The following PTPRF variants were observed in gnomAD, a reference collection of about 807,000 sequenced individuals.
The protein encoded by PTPRF is protein tyrosine phosphatase receptor type F.
In PTPRF, 59 loss-of-function variants were observed where a neutral mutation model predicts 201.8. The ratio of observed to expected loss-of-function variants is 0.29; its 90% CI spans 0.24 to 0.36. The LOEUF (loss-of-function observed/expected upper bound fraction) is 0.36, where lower values mean the gene tolerates loss of function less well. Among genes scored for constraint, PTPRF ranks in the 10% least tolerant of loss-of-function variants. The pLI is 1.00. For missense variants in PTPRF, 2,132 were observed against 2,690.5 expected, an observed-to-expected ratio of 0.79 and a Z score of 4.59; for synonymous variants, 1,088 against 1,089.7, an observed-to-expected ratio of 1.00 and a Z score of 0.03.
In PTPRF at chr1:43,537,981, C is replaced by G. The variant is rs2153955709; in HGVS notation, c.-125-217C>G. On this transcript the variant is annotated intron_variant, in intron 1 of 33. Transcript: ENST00000359947. This position sits in a 1 kb window ranked among gnomAD's most constrained non-coding sequence, Gnocchi z 4.8. ...GGCTGGTGCCTGGAAGGACGCCCAG[C>G]ACATAGTAGGTGCTTAGGGAGTATC... 6.6e-6 allele frequency among the ~76,000 whole-genome samples: 1 copy of G among 152,120 alleles called. No individual in the cohort carries two copies. Among genetic ancestry groups the G allele is most frequent in the South Asian group, 2.1e-4 (1 of 4,826 alleles).
chr1:43,523,299 T>A (rs1215394170), upstream of PTPRF, among the ~76,000 whole-genome samples: 1 of 152,076 alleles, frequency 6.6e-6, no homozygotes, highest in African/African-American at 2.4e-5. Context: ...AGAGGTTCCC[T>A]GGGTAAGAGT....
chr1:43,607,393 C>T (rs551455484), intron 21 of PTPRF, among the ~76,000 whole-genome samples: 3 of 152,220 alleles, frequency 2.0e-5, no homozygotes, highest in African/African-American at 4.8e-5. Flanking sequence ...CTAGAGAGGT[C>T]GAGCTGGAGG....
intron 2 of PTPRF, among the ~76,000 whole-genome samples, chr1:43,540,413 C>T (rs1259144609): frequency 1.3e-5 from 2 of 152,104 alleles, no homozygotes; most frequent in Admixed American, 1.3e-4. Flanking sequence ...AGGAGAAGGA[C>T]ATTTTTTTCC....
intron 7 of PTPRF, among the ~76,000 whole-genome samples, chr1:43,584,190 G>A (rs972600160): frequency 2.6e-5 from 4 of 152,172 alleles, no homozygotes; most frequent in Non-Finnish European, 5.9e-5. Flanking sequence ...GTGGTCAGAG[G>A]AGACTCACCT....
chr1:43,554,282 C>T lies in PTPRF; in HGVS notation c.379+341C>T, dbSNP rs936575710. The stretch of plus-strand genomic sequence containing the variant: ...TGGCTGTGGCTGTTTGGCAGTGAAC[C>T]GGATTTCCATGTGGAGCCTGGCCGT... On this transcript the variant is annotated intron_variant, in intron 5 of 33. Coordinates refer to ENST00000359947, the MANE Select transcript of PTPRF (RefSeq NM_002840.5). The surrounding 1 kb of genome is among the most constrained non-coding windows in gnomAD (Gnocchi z 4.1). 2.0e-5 allele frequency among the ~76,000 whole-genome samples: 3 copies of T among 152,106 alleles called. No homozygotes were observed. The highest frequency in any genetic ancestry group is 4.4e-5 in the Non-Finnish European group (3 of 68,040).
chr1:43,545,965 C>T (rs546889457), intron 3 of PTPRF, among the ~76,000 whole-genome samples: 1 of 152,230 alleles, frequency 6.6e-6, no homozygotes, highest in African/African-American at 2.4e-5. Context: ...GGAGGCGGGG[C>T]ACAGGGCAGA....
upstream of PTPRF, among the ~76,000 whole-genome samples, chr1:43,527,669 G>A (rs1041820137): frequency 4.6e-5 from 7 of 152,218 alleles, no homozygotes; most frequent in Admixed American, 4.6e-4. Context: ...ACCACAGGAA[G>A]CCAGGGGTCC....
At position 43,621,956 on chromosome 1, in the gene PTPRF, C is replaced by T. The variant is rs986176825; in HGVS notation, c.5677C>T (p.Arg1893Cys). ...GCAGGACCAGTATCAGCTGTGCTAC[C>T]GTGCGGCCCTGGAGTACCTCGGCAG... ...QTEDQYQLCY[R>C]AALEYLGSFD... The change falls in exon 34 of 34, where the codon CGT (arginine) becomes TGT (cysteine). Residue 1893 changes from arginine (R) to cysteine (C), a missense_variant. By Grantham distance (180) the Arg-to-Cys change is radical. This residue lies in a region of PTPRF where 519 missense variants were observed against 659.5 expected (regional missense o/e 0.79). Coordinates refer to ENST00000359947, the MANE Select transcript of PTPRF (RefSeq NM_002840.5). 12 of 1,614,050 alleles carry T rather than the reference C, an allele frequency of 7.4e-6. No homozygotes were observed. Among genetic ancestry groups the T allele is most frequent in the African/African-American group, 6.7e-5 (5 of 74,936 alleles).
Position 43,553,290 on chromosome 1 carries a change from G to C in PTPRF, c.92-202G>C, listed in dbSNP as rs1029212542. On this transcript the variant is annotated intron_variant, in intron 3 of 33. Coordinates refer to ENST00000359947, the MANE Select transcript of PTPRF (RefSeq NM_002840.5). This position sits in a 1 kb window ranked among gnomAD's most constrained non-coding sequence, Gnocchi z 4.1. ...GCCTCTAGAAACAGATACAGTTATAGCACTCACCTCATATGCTTAACAGAG... is the reference window on the plus strand; with the variant it reads ...GCCTCTAGAAACAGATACAGTTATACCACTCACCTCATATGCTTAACAGAG... 3.3e-5 allele frequency among the ~76,000 whole-genome samples: 5 copies of C among 152,184 alleles called. No homozygotes were observed. The highest frequency in any genetic ancestry group is 1.2e-4 in the African/African-American group (5 of 41,424).
rs70937045 is a variant in PTPRF at position 43,619,148 on chromosome 1, G to T, written c.4592G>T (p.Arg1531Leu). Residue 1531 changes from arginine to leucine, a missense_variant, in exon 27 of 34, where the codon CGA becomes CTA. Arg to Leu is a moderately radical substitution (Grantham distance 102). Coordinates refer to ENST00000359947, the MANE Select transcript of PTPRF (RefSeq NM_002840.5). Reference sequence around the variant, plus strand: ...CCAACTCCCATCCTGGCCTTCCTACGACGGGTCAAGGCCTGCAACCCCCTA... The same window carrying T: ...CCAACTCCCATCCTGGCCTTCCTACTACGGGTCAAGGCCTGCAACCCCCTA... ...EYPTPILAFL[R>L]RVKACNPLDA... 2 of 1,613,174 alleles carry T rather than the reference G, an allele frequency of 1.2e-6. No homozygotes were observed. Among genetic ancestry groups the T allele is most frequent in the Non-Finnish European group, 8.5e-7 (1 of 1,179,792 alleles).
Position 43,603,339 on chromosome 1 carries a change from G to C in PTPRF, c.2341-77G>C. On this transcript the variant is annotated intron_variant, in intron 14 of 33. Coordinates refer to ENST00000359947, the MANE Select transcript of PTPRF (RefSeq NM_002840.5). This position sits in a 1 kb window ranked among gnomAD's most constrained non-coding sequence, Gnocchi z 5.8. ...GTGCCCCGGGGCTCCCCTCAGGCTA[G>C]GGTCCTGAGGTCCCTGACAAGGTCT... 2 of 1,325,950 alleles carry C rather than the reference G, an allele frequency of 1.5e-6. No individual in the cohort carries two copies. Among genetic ancestry groups the C allele is most frequent in the Non-Finnish European group, 2.2e-6 (2 of 920,250 alleles). 82.1% of individuals were successfully genotyped at this position (1,325,950 alleles called of 1,614,324 possible). A position where few individuals can be genotyped will look rare whatever the true frequency, so the allele number is the denominator to read the frequency against.
At chr1:43,555,216 T>C (rs1645279874) in intron 5 of PTPRF, among the ~76,000 whole-genome samples, 1 of 152,090 alleles carries the variant, frequency 6.6e-6, no homozygotes, top group Non-Finnish European at 1.5e-5. Flanking sequence ...AATTGGAAAG[T>C]ATAGAATAGC....
intron 22 of PTPRF, 196 bp from the exon 23 acceptor site, chr1:43,613,422 G>A (rs918920972): frequency 2.1e-5 from 12 of 573,336 alleles, no homozygotes; most frequent in Non-Finnish European, 2.9e-5. Flanking sequence ...ACATGCTCAT[G>A]GCACAACACC....
Position 43,537,863 on chromosome 1 carries a change from G to A in PTPRF, c.-125-335G>A, listed in dbSNP as rs982790332. ...TAGGGCTGCAGAGGTGGGAGGGGCC[G>A]ACTCTGCTTGGCTCTGGGGTCATGC... is the stretch of plus-strand genomic sequence containing the variant. On this transcript the variant is annotated intron_variant, in intron 1 of 33. Transcript: ENST00000359947. This position sits in a 1 kb window ranked among gnomAD's most constrained non-coding sequence, Gnocchi z 4.8. 3.3e-5 allele frequency among the ~76,000 whole-genome samples: 5 copies of A among 152,082 alleles called. No individual in the cohort carries two copies. The highest frequency in any genetic ancestry group is 1.9e-4 in the East Asian group (1 of 5,160).
chr1:43,609,316 C>G, intron 21 of PTPRF, 67 bp from the exon 22 acceptor site: 1 of 1,317,322 alleles, frequency 7.6e-7, no homozygotes, highest in South Asian at 1.3e-5. Context: ...TGGCAGCCAG[C>G]CATGCCATGT....
At position 43,588,842 on chromosome 1, in the gene PTPRF, A is replaced by G. The variant is rs1649864337; in HGVS notation, c.791A>G (p.Lys264Arg). 2 of 1,614,100 alleles carry G rather than the reference A, an allele frequency of 1.2e-6. No individual in the cohort carries two copies. Among genetic ancestry groups the G allele is most frequent in the Non-Finnish European group, 8.5e-7 (1 of 1,180,028 alleles). Residue 264 changes from lysine (K) to arginine (R), a missense_variant, in exon 8 of 34, where the codon AAG (lysine) becomes AGG (arginine). Lys to Arg is a conservative substitution (Grantham distance 26). Coordinates refer to ENST00000359947, the MANE Select transcript of PTPRF (RefSeq NM_002840.5). The surrounding 1 kb of genome is among the most constrained non-coding windows in gnomAD (Gnocchi z 5.3). ...GTGGGTGCACCCATGCCCTACGTGA[A>G]GTGGATGATGGGGGCCGAGGAGCTC... ...VAVGAPMPYV[K>R]WMMGAEELTK...
At chr1:43,532,791 A>G (rs909274356) in intron 1 of PTPRF, among the ~76,000 whole-genome samples, 3 of 152,010 alleles carry the variant, frequency 2.0e-5, no homozygotes, top group African/African-American at 7.3e-5. Flanking sequence ...CTCCCCAAGT[A>G]CAACCCCCTA....
At chr1:43,549,906 A>G (rs1324991771) in intron 3 of PTPRF, among the ~76,000 whole-genome samples, 1 of 151,302 alleles carries the variant, frequency 6.6e-6, no homozygotes. Flanking sequence ...AGAGCTTAGG[A>G]GGAGCACATT....
At chr1:43,609,916 G>A (rs1227250592) in intron 22 of PTPRF, among the ~76,000 whole-genome samples, 1 of 152,198 alleles carries the variant, frequency 6.6e-6, no homozygotes, top group African/African-American at 2.4e-5. Context: ...GAGATGAAGT[G>A]CCTGCACCTG....
Sources: gnomAD v4.1 joint callset for allele counts (sites outside exome capture counted in the v4.1 genomes callset) on GRCh38, gnomAD v4.1.1 for gene constraint, gnomAD v4.1.1 regional missense constraint, Gnocchi (gnomAD v3.1) non-coding constraint, MANE v1.5 for transcripts, NCBI Gene and HGNC (gene_info 2026-07-23, HGNC 2026-07-21) for gene names.